The following RC3H1 variants were observed in gnomAD, a reference collection of about 807,000 sequenced individuals.
The protein encoded by RC3H1 is roquin-1.
A neutral mutation model predicts 138.2 loss-of-function variants in RC3H1; 50 were observed. That is an observed-to-expected ratio of 0.36 (90% CI 0.29 to 0.46). The LOEUF (loss-of-function observed/expected upper bound fraction) is 0.46, where lower values mean the gene tolerates loss of function less well. Ranked by LOEUF, RC3H1 falls within the 20% of genes least tolerant of loss-of-function variation. The probability of loss-of-function intolerance (pLI) is 1.00; values close to 1 mark genes in which losing one functional copy is unlikely to be tolerated. For missense variants in RC3H1, 1,031 were observed against 1,388.1 expected, an observed-to-expected ratio of 0.74 and a Z score of 4.09; for synonymous variants, 462 against 489.1, an observed-to-expected ratio of 0.94 and a Z score of 0.73.
chr1:173,977,032 C>T (rs1222890338), intron 7 of RC3H1, among the ~76,000 whole-genome samples: 1 of 151,916 alleles, frequency 6.6e-6, no homozygotes, highest in Non-Finnish European at 1.5e-5. Context: ...ACACCACTCT[C>T]CTGCCTCAGC....
At chr1:173,947,638 A>AT in intron 14 of RC3H1, 56 bp from the exon 15 acceptor site, 1 of 1,336,888 alleles carries the variant, frequency 7.5e-7, no homozygotes. Flanking sequence ...CTGTAACCTA[A>AT]TTTTTTCTAG....
At chr1:174,009,074 A>T (rs1481258832) in intron 1 of RC3H1, among the ~76,000 whole-genome samples, 1 of 152,124 alleles carries the variant, frequency 6.6e-6, no homozygotes, top group East Asian at 1.9e-4. Context: ...ATCAGAATCA[A>T]ATATGACACT....
intron 17 of RC3H1, 50 bp downstream of exon 17, chr1:173,946,426 C>T: frequency 6.4e-7 from 1 of 1,570,502 alleles, no homozygotes; most frequent in Non-Finnish European, 8.6e-7. Context: ...TATTTAAAAT[C>T]TCTGAGAACC....
chr1:173,978,596 G>T lies in RC3H1; in HGVS notation c.994C>A (p.Gln332Lys). The change falls in exon 7 of 20, where the codon CAG (glutamine) becomes AAG (lysine). Residue 332 changes from glutamine (Q) to lysine (K), a missense_variant. This residue lies in a region of RC3H1 where 142 missense variants were observed against 224.6 expected (regional missense o/e 0.63). Transcript: ENST00000367696. ...DKLQTPASFA[Q>K]SVQELTIALQ... The stretch of plus-strand genomic sequence containing the variant: ...GCAATTGTTAGTTCCTGAACACTCT[G>T]TGCAAAAGAGGCTGGAGTCTGCAAC... 1 of 1,613,490 alleles carries T rather than the reference G, an allele frequency of 6.2e-7. No homozygotes were observed. Among genetic ancestry groups the T allele is most frequent in the Non-Finnish European group, 8.5e-7 (1 of 1,179,698 alleles).
At chr1:173,987,510 A>G (rs1428723631) in intron 2 of RC3H1, among the ~76,000 whole-genome samples, 4 of 152,108 alleles carry the variant, frequency 2.6e-5, no homozygotes, top group African/African-American at 4.8e-5. Flanking sequence ...ATACTTCTCT[A>G]TACTTTCCAG....
intron 2 of RC3H1, among the ~76,000 whole-genome samples, chr1:173,987,447 G>A (rs1661075488): frequency 6.6e-6 from 1 of 152,124 alleles, no homozygotes; most frequent in Non-Finnish European, 1.5e-5. Flanking sequence ...TGGCTCCTGT[G>A]TGCCTTTGAT....
Position 173,962,045 on chromosome 1 carries a change from G to T in RC3H1, c.1882C>A (p.Pro628Thr). ...PQCVSRFVRP[P>T]PSAPEPAPPY... ...GGAGCAGGTTCAGGAGCAGATGGTG[G>T]AGGTCGGACAAAGCGGGACACACAT... The change falls in exon 12 of 20, where the codon CCA (proline) becomes ACA (threonine). Residue 628 changes from proline (P) to threonine (T), a missense_variant. Around this residue, in one of 7 missense-constraint regions of RC3H1, gnomAD observed 716 missense variants for 837.9 expected, o/e 0.85. Coordinates refer to ENST00000367696, the MANE Select transcript of RC3H1 (RefSeq NM_172071.4). 1 of 1,614,010 alleles carries T rather than the reference G, an allele frequency of 6.2e-7. No homozygotes were observed. Among genetic ancestry groups the T allele is most frequent in the African/African-American group, 1.3e-5 (1 of 75,018 alleles).
At chr1:173,999,244 C>T (rs927554408) in intron 1 of RC3H1, among the ~76,000 whole-genome samples, 3 of 151,848 alleles carry the variant, frequency 2.0e-5, no homozygotes, top group African/African-American at 4.8e-5. Flanking sequence ...CAAAAATTAG[C>T]AGGCACATGC....
chr1:173,989,624 A>G (rs1661177883), intron 2 of RC3H1, among the ~76,000 whole-genome samples: 1 of 149,714 alleles, frequency 6.7e-6, no homozygotes, highest in East Asian at 2.0e-4. Context: ...ACTTATGTCT[A>G]TATTTTCTTC....
At chr1:174,013,010 T>C (rs756838452) in intron 1 of RC3H1, among the ~76,000 whole-genome samples, 2 of 150,562 alleles carry the variant, frequency 1.3e-5, no homozygotes, top group Admixed American at 6.6e-5. Context: ...AAAAGAAGGA[T>C]CAAAAACAAA....
intron 1 of RC3H1, among the ~76,000 whole-genome samples, chr1:174,019,391 G>A (rs1661918133): frequency 6.6e-6 from 1 of 152,148 alleles, no homozygotes; most frequent in South Asian, 2.1e-4. Context: ...TCTAATTTGT[G>A]TCACAAGATC....
chr1:174,020,626 T>C (rs993160170), intron 1 of RC3H1, among the ~76,000 whole-genome samples: 12 of 152,232 alleles, frequency 7.9e-5, no homozygotes, highest in African/African-American at 2.9e-4. Flanking sequence ...GATTTTAATA[T>C]AAATTTCTGC....
intron 1 of RC3H1, among the ~76,000 whole-genome samples, chr1:174,008,082 T>C (rs143075589): frequency 7.1e-4 from 108 of 152,362 alleles, no homozygotes; most frequent in Non-Finnish European, 1.1e-3. Context: ...TCCTGTGCTT[T>C]AGACTTCCTT....
At chr1:173,966,079 G>A (rs1452868114) in intron 9 of RC3H1, among the ~76,000 whole-genome samples, 3 of 152,102 alleles carry the variant, frequency 2.0e-5, no homozygotes, top group Non-Finnish European at 4.4e-5. Context: ...GGCAGAGGTT[G>A]CAGTGAGCCA....
rs190861985 is a variant in RC3H1, at chr1:173,935,116, A to T, written c.*3605T>A. On this transcript the variant is annotated 3_prime_UTR_variant, in exon 20 of 20. Coordinates refer to ENST00000367696, the MANE Select transcript of RC3H1 (RefSeq NM_172071.4). ...CAATATCTAGAATACTACTACTAGA[A>T]ATCTAGCTAACTCTTCTTTTAATTA... is the stretch of plus-strand genomic sequence containing the variant. The T allele has an allele frequency of 3.3e-5, 5 of 152,328 alleles. No homozygotes were observed. The East Asian group carries it at 9.6e-4, about 29-fold the overall frequency. The allele number at this position is 152,328 out of a possible 1,614,324, so 9.4% of individuals were successfully genotyped here. A position where few individuals can be genotyped will look rare whatever the true frequency, so the allele number is the denominator to read the frequency against.
chr1:173,958,838 T>A (rs1029175893), intron 13 of RC3H1, among the ~76,000 whole-genome samples: 2 of 152,060 alleles, frequency 1.3e-5, no homozygotes, highest in Non-Finnish European at 2.9e-5. Context: ...ATTTTCACTA[T>A]CTATATTTAC....
chr1:174,000,095 T>G (rs73025620), intron 1 of RC3H1, among the ~76,000 whole-genome samples: 2,253 of 152,356 alleles, frequency 0.015, 64 homozygotes, highest in African/African-American at 0.052. Flanking sequence ...AAATCATTTG[T>G]GTATTTAAAA....
intron 2 of RC3H1, among the ~76,000 whole-genome samples, chr1:173,990,435 T>C (rs1264002940): frequency 6.6e-6 from 1 of 152,014 alleles, no homozygotes; most frequent in East Asian, 1.9e-4. Context: ...CTCTTGTAGA[T>C]GAAATTGATC....
At chr1:174,021,400 C>G (rs965856479) in intron 1 of RC3H1, among the ~76,000 whole-genome samples, 1 of 152,128 alleles carries the variant, frequency 6.6e-6, no homozygotes, top group Non-Finnish European at 1.5e-5. Flanking sequence ...AGAACTGATA[C>G]TTAGAGATGT....
Sources: gnomAD v4.1 joint callset for allele counts (sites outside exome capture counted in the v4.1 genomes callset) on GRCh38, gnomAD v4.1.1 for gene constraint, gnomAD v4.1.1 regional missense constraint, MANE v1.5 for transcripts, NCBI Gene and HGNC (gene_info 2026-07-23, HGNC 2026-07-21) for gene names.